Variants in CA5A observed in about 807,000 individuals in gnomAD.
The protein encoded by CA5A is carbonic anhydrase 5A, mitochondrial.
A neutral mutation model predicts 37.1 loss-of-function variants in CA5A; 28 were observed. The observed-to-expected ratio is 0.75, with a 90% CI of 0.56 to 1.03. CA5A has a LOEUF of 1.03. Ranked by LOEUF, CA5A falls within the 50% of genes least tolerant of loss-of-function variation. The pLI is 0.00. For synonymous variants in CA5A, 171 were observed against 158.4 expected (o/e 1.08, Z -0.60); for missense variants, 444 against 399.9 (o/e 1.11, Z -0.94).
At chr16:87,920,601 C>T (rs1217803848) in intron 2 of CA5A, among the ~76,000 whole-genome samples, 5 of 151,778 alleles carry the variant, frequency 3.3e-5, no homozygotes, top group Middle Eastern at 3.2e-3. Context: ...TGAGCTACTG[C>T]GCCTGGCCAA....
rs538505757 is a variant in CA5A, at chr16:87,898,708, G to A, written c.618+3204C>T. Among the ~76,000 whole-genome samples the A allele has an allele frequency of 1.2e-4, 18 of 151,194 alleles. No homozygotes were observed. The South Asian group carries it at 3.6e-3, about 30-fold the overall frequency. On this transcript the variant is annotated intron_variant, in intron 5 of 6. Transcript: ENST00000649794. ...CATGCTCCTTATTCCATTACATGGT[G>A]AGAATGCTGCTCTAGTGTGGATTTT...
rs1567530333 is a variant in CA5A, at chr16:87,917,643, A to G, written c.340+9105T>C. ...CACACAAACACACATGTGCGCACAC[A>G]CATGAACACACGTGCACATAGAGAC... On this transcript the variant is annotated intron_variant, in intron 2 of 6. Coordinates refer to ENST00000649794, the MANE Select transcript of CA5A (RefSeq NM_001739.2). Among the ~76,000 whole-genome samples the G allele has an allele frequency of 2.0e-5, 3 of 149,548 alleles. No individual in the cohort carries two copies. The East Asian group carries it at 6.1e-4, about 30-fold the overall frequency.
rs2056318556 is a variant in CA5A, at chr16:87,926,818, T to C, written c.270A>G (p.Ala90=). Reference sequence around the variant, plus strand: ...CAGTGTTCCAGATGTACAGGCAGGATGCCGCTTCATAGGAGACCCTGAGTG... The same window carrying C: ...CAGTGTTCCAGATGTACAGGCAGGACGCCGCTTCATAGGAGACCCTGAGTG... ...LKPLRVSYEA[A]SCLYIWNTGY... Residue 90 remains alanine (A), a synonymous_variant, in exon 2 of 7, where the codon GCA becomes GCG. Transcript: ENST00000649794. 1 of 1,614,188 alleles carries C rather than the reference T, an allele frequency of 6.2e-7. No homozygotes were observed. Among genetic ancestry groups the C allele is most frequent in the Non-Finnish European group, 8.5e-7 (1 of 1,180,020 alleles).
intron 6 of CA5A, among the ~76,000 whole-genome samples, chr16:87,891,189 C>T (rs1035765869): frequency 3.3e-5 from 5 of 151,346 alleles, no homozygotes; most frequent in Admixed American, 2.0e-4. Context: ...AAAAGGAGGC[C>T]GGGCTCGGTG....
chr16:87,930,548 G>A (rs921244543), intron 1 of CA5A, among the ~76,000 whole-genome samples: 1 of 152,098 alleles, frequency 6.6e-6, no homozygotes, highest in Admixed American at 6.6e-5. Context: ...AAGTGGACGT[G>A]TTGTGAGGGC....
rs991565728 is a variant in CA5A, at chr16:87,918,307, G to A, written c.340+8441C>T. On this transcript the variant is annotated intron_variant, in intron 2 of 6. Coordinates refer to ENST00000649794, the MANE Select transcript of CA5A (RefSeq NM_001739.2). ...CTGTCTGTGGGGGGCACTCAAGGTG[G>A]GACAGGCACAGTGTGGCAGCGCGTG... 3.2e-4 allele frequency among the ~76,000 whole-genome samples: 48 copies of A among 152,192 alleles called. 1 individual carries two copies. Among genetic ancestry groups the A allele is most frequent in the Admixed American group, 2.9e-3 (45 of 15,282 alleles).
chr16:87,886,384 A>G (rs1164842817), downstream of CA5A: 1 of 152,080 alleles, frequency 6.6e-6, no homozygotes, highest in Non-Finnish European at 1.5e-5. Context: ...TGGCCTCCGA[A>G]AGTGCTGGGT....
intron 5 of CA5A, among the ~76,000 whole-genome samples, chr16:87,896,213 A>T (rs2055800061): frequency 6.6e-6 from 1 of 152,200 alleles, no homozygotes; most frequent in African/African-American, 2.4e-5. Flanking sequence ...GCCCGTTCCG[A>T]GGTGCGGGCT....
chr16:87,925,271 C>G (rs2056289168), intron 2 of CA5A, among the ~76,000 whole-genome samples: 1 of 152,142 alleles, frequency 6.6e-6, no homozygotes, highest in Admixed American at 6.5e-5. Context: ...AAGCTACATT[C>G]AGCAAAAGGA....
At position 87,925,399 on chromosome 16, in the gene CA5A, C is replaced by T. The variant is rs1295011613; in HGVS notation, c.340+1349G>A. The T allele has an allele frequency of 3.3e-5, 5 of 152,264 alleles. No individual in the cohort carries two copies. The South Asian group carries it at 6.2e-4, about 19-fold the overall frequency. The allele number at this position is 152,264 out of a possible 1,614,324, so 9.4% of individuals were successfully genotyped here. On this transcript the variant is annotated intron_variant, in intron 2 of 6. Coordinates refer to ENST00000649794, the MANE Select transcript of CA5A (RefSeq NM_001739.2). ...AGGACGGACTTAATTCTCCCCTAAACCAGCCGCAACACTGAACCAGTGTGA... is the reference window on the plus strand; with the variant it reads ...AGGACGGACTTAATTCTCCCCTAAATCAGCCGCAACACTGAACCAGTGTGA...
chr16:87,926,991 C>T lies in CA5A; in HGVS notation c.143-46G>A, dbSNP rs776895026. The T allele has an allele frequency of 2.3e-6, 3 of 1,316,060 alleles. No homozygotes were observed. The African/African-American group carries it at 4.3e-5, about 19-fold the overall frequency. 81.5% of individuals were successfully genotyped at this position (1,316,060 alleles called of 1,614,324 possible). A position where few individuals can be genotyped will look rare whatever the true frequency, so the allele number is the denominator to read the frequency against. On this transcript the variant is annotated intron_variant, in intron 1 of 6. Coordinates refer to ENST00000649794, the MANE Select transcript of CA5A (RefSeq NM_001739.2). ...ACCCTGAGTGAGGCATGAGCTTCAT[C>T]CTGTGTCTTGGACGGACAGGGCAGA...
intron 2 of CA5A, among the ~76,000 whole-genome samples, chr16:87,914,994 G>T (rs764574823): frequency 9.2e-5 from 14 of 152,250 alleles, no homozygotes; most frequent in Non-Finnish European, 1.8e-4. Flanking sequence ...GGTGAGGGGT[G>T]TGAGCGATGG....
intron 3 of CA5A, among the ~76,000 whole-genome samples, chr16:87,903,042 G>C (rs2055903674): frequency 6.6e-6 from 1 of 152,136 alleles, no homozygotes; most frequent in Admixed American, 6.5e-5. Flanking sequence ...CTGGTGGGGG[G>C]GGAAAGGAGA....
Position 87,891,807 on chromosome 16 carries a change from G to A in CA5A, c.766C>T (p.Pro256Ser). The change falls in exon 6 of 7, where the codon CCA becomes TCA. Residue 256 changes from proline to serine, a missense_variant. Transcript: ENST00000649794. ...IIQKEPVEVA[P>S]SQLSAFRTLL... ...TTACGGGCACGGCTCACCTGGCTTG[G>A]GGCCACTTCAACGGGCTCCTTCTGG... 6.5e-7 allele frequency: 1 copy of A among 1,529,110 alleles called. No individual in the cohort carries two copies. Among genetic ancestry groups the A allele is most frequent in the Non-Finnish European group, 8.8e-7 (1 of 1,141,844 alleles). The allele number at this position is 1,529,110 out of a possible 1,614,324, so 94.7% of individuals were successfully genotyped here.
chr16:87,935,533 C>T (rs781584568), intron 1 of CA5A, among the ~76,000 whole-genome samples: 6 of 152,282 alleles, frequency 3.9e-5, no homozygotes, highest in Non-Finnish European at 5.9e-5. Flanking sequence ...CTCCCCAGGA[C>T]CCCTGAAACG....
rs1252908264 is a variant in CA5A at position 87,911,221 on chromosome 16, T to C, written c.341-6317A>G. Among the ~76,000 whole-genome samples, 1 of 152,146 alleles carries C rather than the reference T, an allele frequency of 6.6e-6. No homozygotes were observed. The highest frequency in any genetic ancestry group is 1.9e-4 in the East Asian group (1 of 5,198). ...GTCCACCGGGCAGCACTGGCCACTG[T>C]TGCCTCAGCGTTCTGTGTAAGCAGG... On this transcript the variant is annotated intron_variant, in intron 2 of 6. Transcript: ENST00000649794. This position sits in a 1 kb window ranked among gnomAD's most constrained non-coding sequence, Gnocchi z 4.6.
At chr16:87,924,251 G>A (rs898941843) in intron 2 of CA5A, 9 of 985,322 alleles carry the variant, frequency 9.1e-6, no homozygotes, top group East Asian at 1.1e-4. Context: ...AGCCCCACAC[G>A]GGAAGCATCC....
At chr16:87,913,693 T>C (rs2056086168) in intron 2 of CA5A, among the ~76,000 whole-genome samples, 2 of 147,834 alleles carry the variant, frequency 1.4e-5, no homozygotes, top group African/African-American at 2.5e-5. Flanking sequence ...CACACTCAGC[T>C]TCCCTCCCTC....
At chr16:87,906,734 C>G (rs1322810913) in intron 2 of CA5A, among the ~76,000 whole-genome samples, 1 of 152,212 alleles carries the variant, frequency 6.6e-6, no homozygotes, top group African/African-American at 2.4e-5. Flanking sequence ...GACCAAGCCA[C>G]AGAGCTGCTC....
Sources: gnomAD v4.1 joint callset for allele counts (sites outside exome capture counted in the v4.1 genomes callset) on GRCh38, gnomAD v4.1.1 for gene constraint, Gnocchi (gnomAD v3.1) non-coding constraint, MANE v1.5 for transcripts, NCBI Gene and HGNC (gene_info 2026-07-23, HGNC 2026-07-21) for gene names.